PPFIA2: variants seen among roughly 807,000 people sequenced by gnomAD.
PPFIA2 encodes the protein PPFI scaffold protein A2.
In PPFIA2, 46 loss-of-function variants were observed where a neutral mutation model predicts 175.5. The observed-to-expected ratio is 0.26, with a 90% CI of 0.21 to 0.34. PPFIA2 has a LOEUF of 0.34. Ranked by LOEUF, PPFIA2 falls within the 10% of genes least tolerant of loss-of-function variation. The pLI is 1.00. For synonymous variants in PPFIA2, 568 were observed against 511.4 expected, an observed-to-expected ratio of 1.11 and a Z score of -1.49; for missense variants, 1,179 against 1,506.1, an observed-to-expected ratio of 0.78 and a Z score of 3.60.
chr12:81,313,029 T>C (rs537451023), intron 22 of PPFIA2, among the ~76,000 whole-genome samples: 2 of 152,250 alleles, frequency 1.3e-5, no homozygotes, highest in African/African-American at 4.8e-5. Flanking sequence ...AATGTTGTTT[T>C]TGGGGAAACA....
chr12:81,332,214 T>C (rs1302316878), intron 21 of PPFIA2, among the ~76,000 whole-genome samples: 1 of 151,944 alleles, frequency 6.6e-6, no homozygotes, highest in Non-Finnish European at 1.5e-5. Context: ...TGCCTCCCAA[T>C]CTCTGCAGTT....
chr12:81,337,990 C>T (rs2057393133), intron 21 of PPFIA2, among the ~76,000 whole-genome samples: 1 of 152,008 alleles, frequency 6.6e-6, no homozygotes, highest in Admixed American at 6.6e-5. Flanking sequence ...AATTCCTTTG[C>T]TGGAGAACAT....
chr12:81,540,429 T>C (rs887134246), intron 4 of PPFIA2, among the ~76,000 whole-genome samples: 1 of 152,016 alleles, frequency 6.6e-6, no homozygotes, highest in African/African-American at 2.4e-5. Flanking sequence ...CCCTGTAAAC[T>C]TACCACAAAG....
intron 4 of PPFIA2, among the ~76,000 whole-genome samples, chr12:81,591,076 G>T (rs2058619868): frequency 6.6e-6 from 1 of 152,130 alleles, no homozygotes; most frequent in African/African-American, 2.4e-5. Context: ...TAATGATATG[G>T]ACAATAAAAT....
intron 7 of PPFIA2, among the ~76,000 whole-genome samples, chr12:81,419,456 CAT>C (rs1175576663): frequency 1.3e-5 from 2 of 151,978 alleles, no homozygotes; most frequent in African/African-American, 4.8e-5. Context: ...TTACAATAAA[CAT>C]AAAGTCTCAT....
chr12:81,287,018 G>A (rs1010947107), intron 24 of PPFIA2, among the ~76,000 whole-genome samples: 1 of 151,880 alleles, frequency 6.6e-6, no homozygotes, highest in Non-Finnish European at 1.5e-5. Flanking sequence ...TGTTTTTATT[G>A]ACTTTAGGAG....
At chr12:81,536,367 T>C (rs2065373924) in intron 4 of PPFIA2, among the ~76,000 whole-genome samples, 2 of 151,632 alleles carry the variant, frequency 1.3e-5, no homozygotes, top group African/African-American at 4.8e-5. Flanking sequence ...ACTTTTATGG[T>C]GCTTTACCAT....
chr12:81,528,456 T>C (rs1433705681), intron 4 of PPFIA2, among the ~76,000 whole-genome samples: 1 of 152,084 alleles, frequency 6.6e-6, no homozygotes, highest in East Asian at 1.9e-4. Flanking sequence ...GATTTATAAG[T>C]GGAATCAGGC....
rs970411220 is a variant in PPFIA2 at position 81,325,967 on chromosome 12, T to C, written c.2549-97A>G. 44 of 817,746 alleles carry C rather than the reference T, an allele frequency of 5.4e-5. 2 individuals are homozygous for C. In the South Asian group the frequency reaches 6.4e-4, roughly 12 times the overall value. 50.7% of individuals were successfully genotyped at this position (817,746 alleles called of 1,614,324 possible). A position where few individuals can be genotyped will look rare whatever the true frequency, so the allele number is the denominator to read the frequency against. ...AAGGTTTAGTTGAGCAACTGTTTAG[T>C]ATCACATTTAAAAATTTTCCTTATA... On this transcript the variant is annotated intron_variant, in intron 21 of 32. Coordinates refer to ENST00000549396, the MANE Select transcript of PPFIA2 (RefSeq NM_003625.5).
At chr12:81,501,780 T>C (rs1338188973) in intron 4 of PPFIA2, among the ~76,000 whole-genome samples, 4 of 152,198 alleles carry the variant, frequency 2.6e-5, no homozygotes, top group African/African-American at 9.6e-5. Flanking sequence ...AAGAATATGC[T>C]AAAGGCAGTA....
intron 27 of PPFIA2, among the ~76,000 whole-genome samples, 155 bp downstream of exon 27, chr12:81,281,102 A>G (rs1254232637): frequency 6.6e-6 from 1 of 152,126 alleles, no homozygotes; most frequent in Non-Finnish European, 1.5e-5. Context: ...AATTTGCTGG[A>G]TGAAAACATT....
intron 24 of PPFIA2, 67 bp downstream of exon 24, chr12:81,294,768 T>C: frequency 6.8e-7 from 1 of 1,466,896 alleles, no homozygotes; most frequent in Non-Finnish European, 9.4e-7. Context: ...ACAATTTTGC[T>C]CTGTAGACTT....
intron 7 of PPFIA2, among the ~76,000 whole-genome samples, chr12:81,424,104 CTT>C (rs2046755969): frequency 6.6e-6 from 1 of 151,978 alleles, no homozygotes; most frequent in Non-Finnish European, 1.5e-5. Context: ...ACTCAACAAT[CTT>C]TTAATTTTCA....
At chr12:81,585,019 TAA>T (rs1491150527) in intron 4 of PPFIA2, among the ~76,000 whole-genome samples, 9 of 98,774 alleles carry the variant, frequency 9.1e-5, no homozygotes, top group Admixed American at 8.7e-4. Flanking sequence ...TATTTATATA[TAA>T]TATATTAATT....
chr12:81,661,791 A>G (rs1336600599), intron 4 of PPFIA2, among the ~76,000 whole-genome samples: 1 of 152,216 alleles, frequency 6.6e-6, no homozygotes. Context: ...TTGACCACAT[A>G]GTTGGAAGTA....
At chr12:81,563,002 GACA>G (rs2070517029) in intron 4 of PPFIA2, among the ~76,000 whole-genome samples, 2 of 151,938 alleles carry the variant, frequency 1.3e-5, no homozygotes, top group African/African-American at 2.4e-5. Flanking sequence ...AATGTCAATA[GACA>G]ACGAACATTG....
intron 4 of PPFIA2, among the ~76,000 whole-genome samples, chr12:81,510,803 T>A (rs924304436): frequency 6.6e-6 from 1 of 152,094 alleles, no homozygotes; most frequent in Non-Finnish European, 1.5e-5. Context: ...AAGAAATTGC[T>A]ATTACAAACA....
At chr12:81,516,221 G>A (rs986133881) in intron 4 of PPFIA2, among the ~76,000 whole-genome samples, 3 of 152,012 alleles carry the variant, frequency 2.0e-5, no homozygotes, top group African/African-American at 7.2e-5. Context: ...ACTACCAGGA[G>A]ATAGATTCTA....
intron 22 of PPFIA2, chr12:81,302,115 C>A: frequency 2.9e-6 from 1 of 345,214 alleles, no homozygotes; most frequent in South Asian, 2.2e-5. Context: ...TATTTAGGTG[C>A]TTCTTGTTTC....
Sources: allele counts gnomAD v4.1 joint callset (sites outside exome capture counted in the v4.1 genomes callset), GRCh38; gene constraint gnomAD v4.1.1; transcripts MANE v1.5; gene names NCBI Gene and HGNC (gene_info 2026-07-23, HGNC 2026-07-21).